The following ZBTB7C variants were observed in gnomAD, a reference collection of about 807,000 sequenced individuals.
The protein encoded by ZBTB7C is zinc finger and BTB domain-containing protein 7C.
Under a neutral mutation model 25.7 loss-of-function variants are expected in ZBTB7C, and 8 were observed. The ratio of observed to expected loss-of-function variants is 0.31; its 90% CI spans 0.18 to 0.56. The LOEUF is 0.56. Among genes scored for constraint, ZBTB7C ranks in the 20% least tolerant of loss-of-function variants. The pLI is 0.91. For missense variants in ZBTB7C, 824 were observed against 855.2 expected (o/e 0.96, Z 0.46); for synonymous variants, 394 against 369.0 (o/e 1.07, Z -0.78).
intron 2 of ZBTB7C, among the ~76,000 whole-genome samples, chr18:48,307,628 T>C (rs781051412): frequency 8.5e-5 from 13 of 152,230 alleles, no homozygotes; most frequent in Non-Finnish European, 1.8e-4. Context: ...GGTGGGTGGA[T>C]GGCAAGGTCA....
At chr18:48,322,557 G>A (rs1217341871) in intron 2 of ZBTB7C, among the ~76,000 whole-genome samples, 3 of 152,206 alleles carry the variant, frequency 2.0e-5, no homozygotes, top group East Asian at 3.8e-4. Context: ...AGATGTTGGC[G>A]TGGATGCGAT....
intron 2 of ZBTB7C, among the ~76,000 whole-genome samples, chr18:48,219,344 A>G (rs762241453): frequency 2.4e-4 from 36 of 152,220 alleles, no homozygotes; most frequent in Non-Finnish European, 4.7e-4. Flanking sequence ...TAAAATAACA[A>G]TAATGATGAC....
At chr18:48,334,886 G>A (rs974022304) in intron 2 of ZBTB7C, among the ~76,000 whole-genome samples, 1 of 152,212 alleles carries the variant, frequency 6.6e-6, no homozygotes, top group Admixed American at 6.5e-5. Context: ...TCCCAAGAGA[G>A]GTGGGATGAC....
chr18:48,195,656 T>G (rs539212241), intron 2 of ZBTB7C, among the ~76,000 whole-genome samples: 21 of 152,342 alleles, frequency 1.4e-4, no homozygotes, highest in Non-Finnish European at 2.9e-4. Context: ...TTCAGTTTTT[T>G]TTTCCACTTG....
At chr18:48,221,131 C>A (rs1299482619) in intron 2 of ZBTB7C, among the ~76,000 whole-genome samples, 2 of 150,916 alleles carry the variant, frequency 1.3e-5, no homozygotes, top group Admixed American at 1.3e-4. Context: ...CTCCTCTATA[C>A]TGTCCTATTC....
At chr18:48,137,396 G>T in intron 3 of ZBTB7C, 1 of 951,238 alleles carries the variant, frequency 1.1e-6, no homozygotes, top group Non-Finnish European at 1.3e-6. Flanking sequence ...GGGTTCCTCC[G>T]TTTTGTTTTT....
chr18:48,129,458 T>C (rs1349659512), intron 3 of ZBTB7C, among the ~76,000 whole-genome samples: 1 of 151,838 alleles, frequency 6.6e-6, no homozygotes, highest in Admixed American at 6.6e-5. Flanking sequence ...CGGAGGCAGA[T>C]CAGACCTGTT....
At chr18:48,247,864 G>C (rs1300063166) in intron 2 of ZBTB7C, among the ~76,000 whole-genome samples, 1 of 152,212 alleles carries the variant, frequency 6.6e-6, no homozygotes, top group Non-Finnish European at 1.5e-5. Flanking sequence ...CCCCTGCGAA[G>C]AGGTGCTGAT....
At chr18:48,175,770 G>C (rs993928240) in intron 3 of ZBTB7C, among the ~76,000 whole-genome samples, 1 of 152,098 alleles carries the variant, frequency 6.6e-6, no homozygotes, top group Non-Finnish European at 1.5e-5. Context: ...CTCAAAATAG[G>C]GATAGTGGTG....
intron 2 of ZBTB7C, among the ~76,000 whole-genome samples, chr18:48,199,666 T>TCTC (rs147740537): frequency 1.4e-4 from 20 of 147,908 alleles, no homozygotes; most frequent in African/African-American, 4.0e-4. Flanking sequence ...TCCTCCTCAT[T>TCTC]CTCCTCCTCC....
At chr18:48,127,006 G>A (rs540672334) in intron 3 of ZBTB7C, among the ~76,000 whole-genome samples, 4 of 152,176 alleles carry the variant, frequency 2.6e-5, no homozygotes, top group Non-Finnish European at 2.9e-5. Context: ...GAAGATGCGC[G>A]TGGCTCAGTG....
At chr18:48,049,921 C>T (rs1006432864) in intron 3 of ZBTB7C, among the ~76,000 whole-genome samples, 6 of 152,196 alleles carry the variant, frequency 3.9e-5, no homozygotes, top group African/African-American at 1.4e-4. Context: ...CCAGCCGACT[C>T]CCACTATCCC....
chr18:48,189,789 A>G (rs1040422371), intron 2 of ZBTB7C, among the ~76,000 whole-genome samples: 1 of 152,196 alleles, frequency 6.6e-6, no homozygotes, highest in African/African-American at 2.4e-5. Context: ...TCATTAAGGA[A>G]TACTCAAGAC....
intron 2 of ZBTB7C, among the ~76,000 whole-genome samples, chr18:48,323,725 G>A (rs1007940209): frequency 1.3e-5 from 2 of 152,180 alleles, no homozygotes; most frequent in Non-Finnish European, 2.9e-5. Context: ...ACTGTGGGCT[G>A]TGCAGTGAGT....
intron 3 of ZBTB7C, among the ~76,000 whole-genome samples, chr18:48,104,510 A>C (rs1258427069): frequency 6.6e-6 from 1 of 152,168 alleles, no homozygotes; most frequent in Non-Finnish European, 1.5e-5. Flanking sequence ...CAAATGGACT[A>C]AGACATTCTG....
At chr18:48,317,928 C>T (rs1023686042) in intron 2 of ZBTB7C, among the ~76,000 whole-genome samples, 1 of 149,872 alleles carries the variant, frequency 6.7e-6, no homozygotes, top group Non-Finnish European at 1.5e-5. Context: ...TGAGACAGCT[C>T]GCCCGACATT....
chr18:48,277,732 C>T (rs2044708332), intron 2 of ZBTB7C, among the ~76,000 whole-genome samples: 1 of 152,148 alleles, frequency 6.6e-6, no homozygotes, highest in Non-Finnish European at 1.5e-5. Context: ...ACAGAAATCA[C>T]AAAACATTCC....
At chr18:48,072,569 A>C (rs1818658522) in intron 3 of ZBTB7C, 1 of 152,244 alleles carries the variant, frequency 6.6e-6, no homozygotes, top group African/African-American at 2.4e-5. Context: ...CAAGCTTCAC[A>C]GTGTCTCCCC....
intron 3 of ZBTB7C, among the ~76,000 whole-genome samples, chr18:48,061,475 C>T (rs1432026385): frequency 2.0e-5 from 3 of 152,180 alleles, no homozygotes; most frequent in Non-Finnish European, 4.4e-5. Flanking sequence ...TCACTGAGCC[C>T]CTCAGGCAGT....
Sources: allele counts gnomAD v4.1 joint callset (sites outside exome capture counted in the v4.1 genomes callset), GRCh38; gene constraint gnomAD v4.1.1; transcripts MANE v1.5; gene names NCBI Gene and HGNC (gene_info 2026-07-23, HGNC 2026-07-21).